NIPBL: variants seen among roughly 807,000 people sequenced by gnomAD.
The protein encoded by NIPBL is nipped-B-like protein.
NIPBL carries 19 observed loss-of-function variants against 321.8 expected under a neutral mutation model. That is an observed-to-expected ratio of 0.06 (90% CI 0.04 to 0.09). The LOEUF (loss-of-function observed/expected upper bound fraction) is 0.09. Among genes scored for constraint, NIPBL ranks in the 10% least tolerant of loss-of-function variants. The pLI is 1.00. For synonymous variants in NIPBL, 1,106 were observed against 1,114.1 expected, an observed-to-expected ratio of 0.99 and a Z score of 0.14; for missense variants, 2,210 against 3,327.0, an observed-to-expected ratio of 0.66 and a Z score of 8.26.
At chr5:36,923,289 G>T (rs1297381432) in intron 1 of NIPBL, among the ~76,000 whole-genome samples, 2 of 152,090 alleles carry the variant, frequency 1.3e-5, no homozygotes, top group African/African-American at 4.8e-5. Context: ...GTAGATGACA[G>T]AGCGAGACTC....
chr5:36,989,520 C>G (rs953686483), intron 10 of NIPBL, among the ~76,000 whole-genome samples: 1 of 152,014 alleles, frequency 6.6e-6, no homozygotes, highest in Non-Finnish European at 1.5e-5. Context: ...GACTATTACC[C>G]TAATGTATAG....
intron 18 of NIPBL, among the ~76,000 whole-genome samples, chr5:37,007,705 G>A (rs1747607497): frequency 6.6e-6 from 1 of 151,854 alleles, no homozygotes; most frequent in African/African-American, 2.4e-5. Flanking sequence ...TTGAAAGATG[G>A]GTTATATTTT....
intron 1 of NIPBL, among the ~76,000 whole-genome samples, chr5:36,926,748 A>G (rs1173991500): frequency 1.3e-5 from 2 of 152,144 alleles, no homozygotes; most frequent in African/African-American, 2.4e-5. Context: ...CATAGTAAGT[A>G]TATATATTTA....
chr5:37,048,482 A>AT lies in NIPBL; in HGVS notation c.6590-15dup, dbSNP rs765161651. ...AATTTTAATATGAATATATGATGAGATTTTTCCCCTCTCCCATAGGATTTG... is the reference window on the plus strand; with the variant it reads ...AATTTTAATATGAATATATGATGAGATTTTTTCCCCTCTCCCATAGGATTTG... On this transcript the variant is annotated intron_variant, in intron 38 of 46. Transcript: ENST00000282516. 2.0e-6 allele frequency: 3 copies of AT among 1,496,032 alleles called. No homozygotes were observed. Among genetic ancestry groups the AT allele is most frequent in the South Asian group, 2.8e-5 (2 of 72,358 alleles). The allele number at this position is 1,496,032 out of a possible 1,614,324, so 92.7% of individuals were successfully genotyped here. A position where few individuals can be genotyped will look rare whatever the true frequency, so the allele number is the denominator to read the frequency against.
intron 1 of NIPBL, among the ~76,000 whole-genome samples, chr5:36,942,561 G>A (rs1401869075): frequency 3.3e-5 from 5 of 151,030 alleles, no homozygotes; most frequent in Admixed American, 3.3e-4. Flanking sequence ...CCAAGATGGT[G>A]AAACCCCATC....
intron 1 of NIPBL, among the ~76,000 whole-genome samples, chr5:36,909,200 T>G (rs1747864108): frequency 6.6e-6 from 1 of 152,114 alleles, no homozygotes; most frequent in South Asian, 2.1e-4. Context: ...CCCTCACAGT[T>G]TTCATGGGGT....
At chr5:36,916,203 T>C (rs180743287) in intron 1 of NIPBL, among the ~76,000 whole-genome samples, 1 of 152,378 alleles carries the variant, frequency 6.6e-6, no homozygotes, top group East Asian at 1.9e-4. Flanking sequence ...GCAAGTTTCC[T>C]CTTTATTACA....
At chr5:36,975,638 C>A in intron 8 of NIPBL, 138 bp from the exon 9 acceptor site, 4 of 837,376 alleles carry the variant, frequency 4.8e-6, no homozygotes, top group East Asian at 2.8e-5. Flanking sequence ...TTTCATCTTT[C>A]GTAAATAAGT....
chr5:36,910,575 AG>A (rs1747971604), intron 1 of NIPBL, among the ~76,000 whole-genome samples: 1 of 152,178 alleles, frequency 6.6e-6, no homozygotes, highest in South Asian at 2.1e-4. Context: ...TAGCCTGTGA[AG>A]CTGGTCTCTT....
chr5:36,961,578 C>T lies in NIPBL; in HGVS notation c.453C>T (p.Pro151=), dbSNP rs769152836. 2.5e-5 allele frequency: 39 copies of T among 1,554,762 alleles called. No homozygotes were observed. The South Asian group carries it at 3.8e-4, about 15-fold the overall frequency. Reference sequence around the variant, plus strand: ...AACAAACCACTATCTCACATAGCCCCTCCAGGTAATATATGTATATATCGT... The same window carrying T: ...AACAAACCACTATCTCACATAGCCCTTCCAGGTAATATATGTATATATCGT... The part of the protein sequence containing the change: ...NYQQTTISHS[P]SSRFVPPQTS... Residue 151 remains proline (P), a synonymous_variant, in exon 5 of 47, where the codon CCC becomes CCT. Coordinates refer to ENST00000282516, the MANE Select transcript of NIPBL (RefSeq NM_133433.4).
chr5:37,019,529 A>G, intron 25 of NIPBL, 129 bp downstream of exon 25: 1 of 700,026 alleles, frequency 1.4e-6, no homozygotes, highest in Non-Finnish European at 2.6e-6. Flanking sequence ...AAACAAAGGG[A>G]TACTTGATAA....
intron 1 of NIPBL, among the ~76,000 whole-genome samples, chr5:36,911,844 A>G (rs1001394150): frequency 6.6e-6 from 1 of 152,212 alleles, no homozygotes; most frequent in Non-Finnish European, 1.5e-5. Flanking sequence ...TAGGAAAGCA[A>G]TGTATTGAAG....
intron 1 of NIPBL, among the ~76,000 whole-genome samples, chr5:36,900,506 G>A (rs1289408286): frequency 6.6e-6 from 1 of 152,080 alleles, no homozygotes; most frequent in Non-Finnish European, 1.5e-5. Context: ...AGAGATGAGA[G>A]AAGGAAGTCC....
intron 1 of NIPBL, among the ~76,000 whole-genome samples, chr5:36,929,221 T>TCAA (rs1749592580): frequency 4.6e-5 from 7 of 152,158 alleles, no homozygotes; most frequent in African/African-American, 1.7e-4. Context: ...GGTATCATTG[T>TCAA]GGTTTCAGTG....
At chr5:36,995,378 C>A in intron 10 of NIPBL, 1 of 347,906 alleles carries the variant, frequency 2.9e-6, no homozygotes, top group Non-Finnish European at 5.2e-6. Context: ...ATATAATTAC[C>A]CTTCATTTTT....
Position 36,976,463 on chromosome 5 carries a change from A to C in NIPBL, c.1495+61A>C. ...GGCAAATATGTAATTATAGTGTCAA[A>C]AATTTTTTTCACATTACTTTTTTCC... On this transcript the variant is annotated intron_variant, in intron 9 of 46. Coordinates refer to ENST00000282516, the MANE Select transcript of NIPBL (RefSeq NM_133433.4). The C allele has an allele frequency of 6.4e-6, 10 of 1,573,530 alleles. No homozygotes were observed. The South Asian group carries it at 1.1e-4, about 18-fold the overall frequency.
chr5:36,934,260 T>G (rs545251445), intron 1 of NIPBL, among the ~76,000 whole-genome samples: 7 of 152,270 alleles, frequency 4.6e-5, no homozygotes, highest in Admixed American at 1.3e-4. Flanking sequence ...TTTCAAAAAT[T>G]AATTTTTAAA....
At chr5:36,897,007 A>T (rs940559496) in intron 1 of NIPBL, among the ~76,000 whole-genome samples, 6 of 143,578 alleles carry the variant, frequency 4.2e-5, no homozygotes, top group East Asian at 4.1e-4. Flanking sequence ...ACTTTTATAT[A>T]TTTTTTTTTT....
chr5:37,038,540 T>C (rs1579532641), intron 33 of NIPBL, 62 bp from the exon 34 acceptor site: 1 of 1,461,334 alleles, frequency 6.8e-7, no homozygotes, highest in Non-Finnish European at 9.6e-7. Context: ...TAAATAATAT[T>C]CTGTATAGTT....
Sources: gnomAD v4.1 joint callset for allele counts (sites outside exome capture counted in the v4.1 genomes callset) on GRCh38, gnomAD v4.1.1 for gene constraint, MANE v1.5 for transcripts, NCBI Gene and HGNC (gene_info 2026-07-23, HGNC 2026-07-21) for gene names.